Variants in LINGO2 observed in about 807,000 individuals in gnomAD.
LINGO2 encodes leucine rich repeat and Ig domain containing 2, also known as leucine-rich repeat and immunoglobulin-like domain-containing nogo receptor-interacting protein 2.
Under a neutral mutation model 30.6 loss-of-function variants are expected in LINGO2, and 14 were observed. The ratio of observed to expected loss-of-function variants is 0.46; its 90% CI spans 0.30 to 0.72. LINGO2 has a LOEUF of 0.72. Ranked by LOEUF, LINGO2 falls within the 30% of genes least tolerant of loss-of-function variation. The probability of loss-of-function intolerance (pLI) is 0.07; values close to 1 mark genes in which losing one functional copy is unlikely to be tolerated. For missense variants in LINGO2, 729 were observed against 751.7 expected, an observed-to-expected ratio of 0.97 and a Z score of 0.35; for synonymous variants, 317 against 288.5, an observed-to-expected ratio of 1.10 and a Z score of -1.00.
At chr9:28,468,684 C>G (rs1390954222) in intron 2 of LINGO2, among the ~76,000 whole-genome samples, 1 of 152,136 alleles carries the variant, frequency 6.6e-6, no homozygotes, top group East Asian at 1.9e-4. Context: ...TTTAGGAGCT[C>G]TGGAAAGCAA....
chr9:28,845,701 T>C, the LINGO2 span, among the ~76,000 whole-genome samples: 2 of 151,908 alleles, frequency 1.3e-5, no homozygotes, highest in African/African-American at 4.8e-5. Flanking sequence ...AATATTTATA[T>C]TAAATTTGAT....
the LINGO2 span, among the ~76,000 whole-genome samples, chr9:29,059,912 A>C: frequency 1.1e-3 from 170 of 152,190 alleles, no homozygotes; most frequent in Middle Eastern, 0.014. Context: ...TAAGTAAATA[A>C]AAAGATGTGC....
At chr9:28,942,571 C>G in the LINGO2 span, among the ~76,000 whole-genome samples, 4 of 152,132 alleles carry the variant, frequency 2.6e-5, no homozygotes, top group African/African-American at 9.7e-5. Flanking sequence ...CTGAGTCTGT[C>G]TCCTTATCTT....
At chr9:28,343,764 T>A (rs900322887) in intron 3 of LINGO2, among the ~76,000 whole-genome samples, 1 of 152,092 alleles carries the variant, frequency 6.6e-6, no homozygotes, top group African/African-American at 2.4e-5. Flanking sequence ...ACCATTTCTA[T>A]AGGACACATA....
intron 3 of LINGO2, among the ~76,000 whole-genome samples, chr9:28,357,470 T>C (rs1043020138): frequency 2.0e-5 from 3 of 152,036 alleles, no homozygotes; most frequent in African/African-American, 7.2e-5. Context: ...GACATGTTGG[T>C]TTTTCTATAT....
At chr9:27,957,831 A>G (rs1346650332) in intron 5 of LINGO2, among the ~76,000 whole-genome samples, 2 of 152,230 alleles carry the variant, frequency 1.3e-5, no homozygotes, top group Non-Finnish European at 2.9e-5. Flanking sequence ...CAACTTTCCA[A>G]TTCACGAATG....
At chr9:28,929,923 C>A in the LINGO2 span, among the ~76,000 whole-genome samples, 5 of 152,154 alleles carry the variant, frequency 3.3e-5, no homozygotes, top group African/African-American at 1.2e-4. Context: ...TTCCTTAACA[C>A]CTTTCTGAGA....
At chr9:29,179,685 G>A in the LINGO2 span, among the ~76,000 whole-genome samples, 6 of 152,190 alleles carry the variant, frequency 3.9e-5, no homozygotes, top group South Asian at 2.1e-4. Context: ...GATTACAGGC[G>A]TGAGCCTCCG....
the LINGO2 span, among the ~76,000 whole-genome samples, chr9:29,155,636 C>T: frequency 4.7e-4 from 70 of 148,098 alleles, no homozygotes; most frequent in Non-Finnish European, 6.7e-4. Flanking sequence ...CTAAAAGAAA[C>T]ATTTAATTAC....
the LINGO2 span, among the ~76,000 whole-genome samples, chr9:29,178,920 A>G: frequency 6.6e-6 from 1 of 151,834 alleles, no homozygotes; most frequent in Non-Finnish European, 1.5e-5. Flanking sequence ...TGAACCCTGG[A>G]GTTTCAGGCT....
intron 2 of LINGO2, among the ~76,000 whole-genome samples, chr9:28,434,892 T>A (rs771107805): frequency 6.6e-6 from 1 of 152,170 alleles, no homozygotes. Flanking sequence ...AATGAAACAC[T>A]GATATAACCC....
intron 4 of LINGO2, among the ~76,000 whole-genome samples, chr9:28,135,007 C>G (rs1054281763): frequency 6.6e-6 from 1 of 152,180 alleles, no homozygotes. Context: ...TAGGCCCACA[C>G]CAGGAACCTC....
At chr9:28,216,007 T>A (rs772893011) in intron 4 of LINGO2, among the ~76,000 whole-genome samples, 2 of 151,778 alleles carry the variant, frequency 1.3e-5, no homozygotes, top group Admixed American at 1.3e-4. Flanking sequence ...ACATTAGCCA[T>A]CTTTTGCTCT....
At chr9:28,437,404 C>A (rs1015302902) in intron 2 of LINGO2, among the ~76,000 whole-genome samples, 3 of 152,128 alleles carry the variant, frequency 2.0e-5, no homozygotes, top group Admixed American at 6.6e-5. Context: ...GAGGCTGTCA[C>A]AATTGGCCGC....
At chr9:28,275,802 A>G (rs1181315479) in intron 4 of LINGO2, among the ~76,000 whole-genome samples, 1 of 152,208 alleles carries the variant, frequency 6.6e-6, no homozygotes, top group African/African-American at 2.4e-5. Context: ...ATCTTTATGT[A>G]ATAGGGAATC....
chr9:28,478,151 T>C (rs141427952), intron 1 of LINGO2, among the ~76,000 whole-genome samples: 131 of 152,314 alleles, frequency 8.6e-4, no homozygotes, highest in African/African-American at 3.0e-3. Flanking sequence ...CCAGTAACTG[T>C]CAAATAGCGC....
At chr9:28,014,550 T>A in intron 4 of LINGO2, among the ~76,000 whole-genome samples, 1 of 78,048 alleles carries the variant, frequency 1.3e-5, no homozygotes, top group South Asian at 5.2e-4. Context: ...TAAATTTTAC[T>A]TTTTTATCCA....
exon 6 of LINGO2, chr9:27,950,248 C>T (rs751782653): frequency 3.7e-6 from 6 of 1,614,040 alleles, no homozygotes; most frequent in Non-Finnish European, 5.1e-6. Context: ...AGTAAAATGA[C>T]AATCTTATTC....
the LINGO2 span, among the ~76,000 whole-genome samples, chr9:28,687,423 T>C: frequency 3.3e-5 from 5 of 152,156 alleles, no homozygotes; most frequent in Non-Finnish European, 7.4e-5. Context: ...CAAGTGAAAT[T>C]CCTTGGTCAT....
Sources: allele counts gnomAD v4.1 joint callset (sites outside exome capture counted in the v4.1 genomes callset), GRCh38; gene constraint gnomAD v4.1.1; transcripts MANE v1.5; gene names NCBI Gene and HGNC (gene_info 2026-07-23, HGNC 2026-07-21).